RFX6: variants seen among roughly 807,000 people sequenced by gnomAD.
RFX6 encodes the protein regulatory factor X6, also known as DNA-binding protein RFX6.
In RFX6, 50 loss-of-function variants were observed where a neutral mutation model predicts 110.8. The ratio of observed to expected loss-of-function variants is 0.45; its 90% CI spans 0.36 to 0.57. The LOEUF (loss-of-function observed/expected upper bound fraction) is 0.57. Among genes scored for constraint, RFX6 ranks in the 20% least tolerant of loss-of-function variants. The probability of loss-of-function intolerance (pLI) is 0.00; values close to 1 mark genes in which losing one functional copy is unlikely to be tolerated. For missense variants in RFX6, 990 were observed against 1,127.0 expected, an observed-to-expected ratio of 0.88 and a Z score of 1.74; for synonymous variants, 383 against 411.2, an observed-to-expected ratio of 0.93 and a Z score of 0.83.
chr6:116,907,723 T>C (rs1355966364), intron 6 of RFX6, among the ~76,000 whole-genome samples: 1 of 152,138 alleles, frequency 6.6e-6, no homozygotes, highest in Non-Finnish European at 1.5e-5. Context: ...GATTATTCTG[T>C]ATATGTTTGT....
chr6:116,896,607 G>A (rs1454639881), intron 6 of RFX6, among the ~76,000 whole-genome samples: 2 of 152,028 alleles, frequency 1.3e-5, no homozygotes, highest in Non-Finnish European at 2.9e-5. Context: ...CAAGGAGGCT[G>A]AGGCAGCAGA....
At chr6:116,913,028 G>A (rs1297945216) in intron 7 of RFX6, among the ~76,000 whole-genome samples, 1 of 152,074 alleles carries the variant, frequency 6.6e-6, no homozygotes, top group African/African-American at 2.4e-5. Context: ...CCTAGAAAGT[G>A]CGGTGGGGCT....
At chr6:116,877,599 T>C (rs1774490878) in intron 1 of RFX6, 101 bp downstream of exon 1, 3 of 1,094,648 alleles carry the variant, frequency 2.7e-6, no homozygotes. Context: ...ATAAGGCAGA[T>C]ATAGAATGTT....
rs751608503 is a variant in RFX6, at chr6:116,919,272, A to G, written c.1158A>G (p.Gln386=). Reference sequence around the variant, plus strand: ...GATTTGTATCTTCTCTGAAACGACAAACATCTTTCTTACATCTTGCCCAGG... The same window carrying G: ...GATTTGTATCTTCTCTGAAACGACAGACATCTTTCTTACATCTTGCCCAGG... ...VRRFVSSLKR[Q]TSFLHLAQIA... The change falls in exon 11 of 19, where the codon CAA becomes CAG. Residue 386 remains glutamine (Q), a synonymous_variant. Transcript: ENST00000332958. 2 of 1,613,578 alleles carry G rather than the reference A, an allele frequency of 1.2e-6. No homozygotes were observed.
Position 116,920,466 on chromosome 6 carries a change from C to G in RFX6, c.1327+12C>G. ...TATCTACACTGAACGTAAGTCCATT[C>G]TCTTTGTTTAGAACAAGGTTTTCTA... On this transcript the variant is annotated intron_variant, in intron 12 of 18. Transcript: ENST00000332958. The G allele has an allele frequency of 6.2e-7, 1 of 1,611,214 alleles. No individual in the cohort carries two copies. The highest frequency in any genetic ancestry group is 8.5e-7 in the Non-Finnish European group (1 of 1,177,424).
chr6:116,930,934 T>C (rs1472099814), intron 18 of RFX6, among the ~76,000 whole-genome samples: 2 of 152,030 alleles, frequency 1.3e-5, no homozygotes, highest in East Asian at 3.9e-4. Context: ...CTGGTTGCTC[T>C]CGGGAAGGTG....
At chr6:116,905,463 C>T (rs1775178013) in intron 6 of RFX6, among the ~76,000 whole-genome samples, 1 of 151,968 alleles carries the variant, frequency 6.6e-6, no homozygotes. Context: ...ACATGATTTG[C>T]AAATATTTTC....
intron 6 of RFX6, among the ~76,000 whole-genome samples, chr6:116,908,246 G>A (rs921632586): frequency 2.0e-5 from 3 of 151,912 alleles, no homozygotes; most frequent in Non-Finnish European, 2.9e-5. Context: ...GTGAGAACAC[G>A]TGATATTTGT....
chr6:116,887,059 C>T (rs1007964815), intron 4 of RFX6, among the ~76,000 whole-genome samples: 2 of 151,958 alleles, frequency 1.3e-5, no homozygotes, highest in Non-Finnish European at 2.9e-5. Flanking sequence ...GAGACTCCAT[C>T]TCAAAACATA....
At chr6:116,886,383 T>C (rs1056270900) in intron 4 of RFX6, among the ~76,000 whole-genome samples, 1 of 152,336 alleles carries the variant, frequency 6.6e-6, no homozygotes, top group South Asian at 2.1e-4. Context: ...GGTTCTCCTG[T>C]ACTCTGGGCA....
chr6:116,895,256 C>CA lies in RFX6; in HGVS notation c.672+51dup, dbSNP rs765344584. 4 of 995,730 alleles carry CA rather than the reference C, an allele frequency of 4.0e-6. No individual in the cohort carries two copies. In the Admixed American group the frequency reaches 5.2e-5, roughly 13 times the overall value. The allele number at this position is 995,730 out of a possible 1,614,324, so 61.7% of individuals were successfully genotyped here. A position where few individuals can be genotyped will look rare whatever the true frequency, so the allele number is the denominator to read the frequency against. On this transcript the variant is annotated intron_variant, in intron 6 of 18. Coordinates refer to ENST00000332958, the MANE Select transcript of RFX6 (RefSeq NM_173560.4). ...TTTACATCTGCTATAATATGTCTTA[C>CA]AAGCTGAGCAATACATGTTAATTAT...
chr6:116,928,473 TA>T, intron 17 of RFX6, among the ~76,000 whole-genome samples: 1 of 152,250 alleles, frequency 6.6e-6, no homozygotes, highest in Non-Finnish European at 1.5e-5. Flanking sequence ...AATCTGGTCT[TA>T]AAGTTAATAC....
intron 12 of RFX6, among the ~76,000 whole-genome samples, chr6:116,921,075 A>G (rs1775584131): frequency 1.3e-5 from 2 of 152,182 alleles, no homozygotes; most frequent in African/African-American, 4.8e-5. Flanking sequence ...TTGAATTTCA[A>G]GGGATAACAG....
intron 6 of RFX6, among the ~76,000 whole-genome samples, chr6:116,904,708 A>G (rs1288238598): frequency 6.6e-6 from 1 of 151,982 alleles, no homozygotes; most frequent in Admixed American, 6.6e-5. Flanking sequence ...CTACCATTCT[A>G]CTTTCTGTCT....
chr6:116,893,105 G>T (rs1288570680), intron 4 of RFX6, among the ~76,000 whole-genome samples: 1 of 152,102 alleles, frequency 6.6e-6, no homozygotes, highest in Non-Finnish European at 1.5e-5. Flanking sequence ...CCTGATCCTA[G>T]ATGAATGCAA....
At chr6:116,895,819 CATT>C (rs1309819899) in intron 6 of RFX6, among the ~76,000 whole-genome samples, 2 of 152,104 alleles carry the variant, frequency 1.3e-5, no homozygotes, top group African/African-American at 4.8e-5. Flanking sequence ...GTTAACTAAT[CATT>C]AAGAAGAGGT....
chr6:116,895,369 A>G (rs1462793467), intron 6 of RFX6, among the ~76,000 whole-genome samples, 162 bp downstream of exon 6: 1 of 152,178 alleles, frequency 6.6e-6, no homozygotes, highest in Non-Finnish European at 1.5e-5. Flanking sequence ...ATTTGGGACA[A>G]CAAATGAATC....
intron 6 of RFX6, among the ~76,000 whole-genome samples, chr6:116,901,662 A>T (rs1333336553): frequency 6.6e-6 from 1 of 152,194 alleles, no homozygotes; most frequent in South Asian, 2.1e-4. Context: ...TCTAAATATT[A>T]ATCAGGGAAA....
chr6:116,895,727 C>T (rs924091943), intron 6 of RFX6, among the ~76,000 whole-genome samples: 4 of 151,772 alleles, frequency 2.6e-5, no homozygotes, highest in African/African-American at 9.7e-5. Flanking sequence ...CCTTCAAGAA[C>T]AGACTTTATC....
Sources: allele counts gnomAD v4.1 joint callset (sites outside exome capture counted in the v4.1 genomes callset), GRCh38; gene constraint gnomAD v4.1.1; transcripts MANE v1.5; gene names NCBI Gene and HGNC (gene_info 2026-07-23, HGNC 2026-07-21).